The following SMYD3 variants were observed in gnomAD, a reference collection of about 807,000 sequenced individuals.
The protein encoded by SMYD3 is SET and MYND domain containing 3.
In SMYD3, 36 loss-of-function variants were observed where a neutral mutation model predicts 57.7. The ratio of observed to expected loss-of-function variants is 0.62; its 90% CI spans 0.48 to 0.82. The LOEUF is 0.82. SMYD3 is among the 40% of genes least tolerant of loss of function. SMYD3 has a pLI of 0.00. For synonymous variants in SMYD3, 211 were observed against 195.0 expected (o/e 1.08, Z -0.68); for missense variants, 515 against 538.8 (o/e 0.96, Z 0.44).
rs150669799 is a variant in SMYD3 at position 246,103,034 on chromosome 1, C to T, written c.532-173097G>A. On this transcript the variant is annotated intron_variant, in intron 5 of 11. Transcript: ENST00000490107. ...TAAGTGCCTGTCCTCCACTTTAAAACGTGAGCTACCTGAGGGCAGGATTTA... is the reference window on the plus strand; with the variant it reads ...TAAGTGCCTGTCCTCCACTTTAAAATGTGAGCTACCTGAGGGCAGGATTTA... Among the ~76,000 whole-genome samples, 40 of 152,312 alleles carry T rather than the reference C, an allele frequency of 2.6e-4. 1 individual carries two copies. Among genetic ancestry groups the T allele is most frequent in the African/African-American group, 8.7e-4 (36 of 41,578 alleles).
chr1:246,325,507 A>G (rs1240533268), intron 5 of SMYD3, among the ~76,000 whole-genome samples: 3 of 152,132 alleles, frequency 2.0e-5, no homozygotes, highest in Non-Finnish European at 1.5e-5. Flanking sequence ...ATTTTCTAGC[A>G]ATAACAAATA....
intron 10 of SMYD3, 94 bp from the exon 11 acceptor site, chr1:245,764,243 C>A (rs1237213515): frequency 1.0e-5 from 8 of 792,922 alleles, no homozygotes; most frequent in Non-Finnish European, 1.7e-5. Context: ...CAGACACTAG[C>A]TGTGAATGTT....
chr1:245,857,863 T>C (rs2051331112), intron 10 of SMYD3, among the ~76,000 whole-genome samples: 1 of 152,092 alleles, frequency 6.6e-6, no homozygotes, highest in Non-Finnish European at 1.5e-5. Context: ...TTCTGAGTTA[T>C]AAAAACATCT....
intron 1 of SMYD3, among the ~76,000 whole-genome samples, chr1:246,494,131 A>T (rs919190984): frequency 2.6e-5 from 4 of 152,160 alleles, no homozygotes; most frequent in Non-Finnish European, 5.9e-5. Context: ...GCAGCCCAAA[A>T]ATCTCTATGG....
chr1:246,405,543 C>G (rs1385737454), intron 1 of SMYD3, among the ~76,000 whole-genome samples: 1 of 152,104 alleles, frequency 6.6e-6, no homozygotes, highest in Non-Finnish European at 1.5e-5. Flanking sequence ...CCACAGGCTT[C>G]CAGGGTTGAG....
intron 5 of SMYD3, among the ~76,000 whole-genome samples, chr1:246,102,600 C>A (rs1009619713): frequency 6.6e-6 from 1 of 152,034 alleles, no homozygotes; most frequent in Admixed American, 6.6e-5. Flanking sequence ...CCGGCTAGCA[C>A]GTTCTCATCT....
intron 5 of SMYD3, among the ~76,000 whole-genome samples, chr1:246,003,768 T>C (rs951224846): frequency 6.6e-6 from 1 of 152,222 alleles, no homozygotes; most frequent in Non-Finnish European, 1.5e-5. Context: ...ATCTCACACA[T>C]CTAGTCATTA....
chr1:245,750,158 G>A (rs1302201944), intron 11 of SMYD3, among the ~76,000 whole-genome samples: 1 of 151,864 alleles, frequency 6.6e-6, no homozygotes, highest in African/African-American at 2.4e-5. Flanking sequence ...CTCATATTTG[G>A]TCCATTATTA....
At chr1:246,159,715 C>A (rs1405965520) in intron 5 of SMYD3, among the ~76,000 whole-genome samples, 1 of 152,128 alleles carries the variant, frequency 6.6e-6, no homozygotes, top group Non-Finnish European at 1.5e-5. Flanking sequence ...AAACAGAAGA[C>A]CAGGGTGTAG....
At chr1:246,139,380 T>C (rs2061715485) in intron 5 of SMYD3, among the ~76,000 whole-genome samples, 1 of 152,228 alleles carries the variant, frequency 6.6e-6, no homozygotes, top group Non-Finnish European at 1.5e-5. Context: ...ACATTCCTAA[T>C]CCAATCATAT....
intron 5 of SMYD3, chr1:245,988,642 A>G (rs1267497788): frequency 6.6e-6 from 1 of 152,240 alleles, no homozygotes; most frequent in Admixed American, 6.5e-5. Context: ...CCCAGATTTT[A>G]GCAATGGGCT....
rs370938970 is a variant in SMYD3, at chr1:246,330,398, CAT to C, written c.394+80_394+81del. 503 of 1,115,282 alleles carry C rather than the reference CAT, an allele frequency of 4.5e-4. 2 individuals are homozygous for C. In the African/African-American group the frequency reaches 7.2e-3, roughly 16 times the overall value. The allele number at this position is 1,115,282 out of a possible 1,614,324, so 69.1% of individuals were successfully genotyped here. On this transcript the variant is annotated intron_variant, in intron 4 of 11. Transcript: ENST00000490107. ...ATCACATTATAAAGAAACAGAAAAA[CAT>C]AGTTAAAAATAAATCCATTCACCAA...
intron 8 of SMYD3, among the ~76,000 whole-genome samples, chr1:245,899,253 A>AT (rs57422029): frequency 0.077 from 11,708 of 151,426 alleles, 1,354 homozygotes; most frequent in African/African-American, 0.25. Flanking sequence ...TTACCTCTGT[A>AT]TTTTTTTTTG....
chr1:246,415,823 T>C (rs2067052691), intron 1 of SMYD3, among the ~76,000 whole-genome samples: 1 of 152,208 alleles, frequency 6.6e-6, no homozygotes, highest in African/African-American at 2.4e-5. Context: ...CACTAGTCTA[T>C]ATAGTTTATT....
chr1:246,095,778 A>T (rs2060902853), intron 5 of SMYD3, among the ~76,000 whole-genome samples: 1 of 152,210 alleles, frequency 6.6e-6, no homozygotes, highest in African/African-American at 2.4e-5. Flanking sequence ...CAGGAAGCCA[A>T]GGCAGGAGCA....
intron 5 of SMYD3, among the ~76,000 whole-genome samples, chr1:246,034,147 T>C (rs867097556): frequency 2.0e-5 from 3 of 152,220 alleles, no homozygotes; most frequent in African/African-American, 7.2e-5. Context: ...TCTAAGAAGT[T>C]GTACATAGAC....
intron 1 of SMYD3, among the ~76,000 whole-genome samples, chr1:246,407,233 G>A (rs2066881507): frequency 6.6e-6 from 1 of 152,170 alleles, no homozygotes; most frequent in African/African-American, 2.4e-5. Context: ...TTATGTATAA[G>A]GAGCAATTCT....
chr1:245,897,597 T>TA (rs1422740251), intron 8 of SMYD3, among the ~76,000 whole-genome samples: 2 of 152,104 alleles, frequency 1.3e-5, no homozygotes, highest in Middle Eastern at 3.2e-3. Context: ...CCTCTTTTAT[T>TA]AAGAAGTATT....
At chr1:246,194,463 T>G (rs992587131) in intron 5 of SMYD3, among the ~76,000 whole-genome samples, 1 of 152,128 alleles carries the variant, frequency 6.6e-6, no homozygotes, top group African/African-American at 2.4e-5. Flanking sequence ...GAGACAGGGT[T>G]TCACTATATC....
Sources: gnomAD v4.1 joint callset for allele counts (sites outside exome capture counted in the v4.1 genomes callset) on GRCh38, gnomAD v4.1.1 for gene constraint, MANE v1.5 for transcripts, NCBI Gene and HGNC (gene_info 2026-07-23, HGNC 2026-07-21) for gene names.